The following KANK1 variants were observed in gnomAD, a reference collection of about 807,000 sequenced individuals.
KANK1 encodes KN motif and ankyrin repeat domain-containing protein 1.
KANK1 carries 109 observed loss-of-function variants against 106.2 expected under a neutral mutation model. The observed-to-expected ratio is 1.03, with a 90% CI of 0.88 to 1.20. The LOEUF is 1.20. Among genes scored for constraint, KANK1 ranks in the 50% most tolerant of loss-of-function variants. The pLI, the probability that KANK1 is intolerant of heterozygous loss-of-function variation, is 0.00. For synonymous variants in KANK1, 873 were observed against 652.2 expected, an observed-to-expected ratio of 1.34 and a Z score of -5.16; for missense variants, 2,399 against 1,710.7, an observed-to-expected ratio of 1.40 and a Z score of -7.10.
chr9:574,732 G>A (rs1022509132), intron 1 of KANK1, among the ~76,000 whole-genome samples: 1 of 151,790 alleles, frequency 6.6e-6, no homozygotes, highest in East Asian at 1.9e-4. Context: ...GCACGTGCCT[G>A]TGGTCCCAGC....
chr9:586,778 C>T (rs184768057), intron 1 of KANK1, among the ~76,000 whole-genome samples: 128 of 152,200 alleles, frequency 8.4e-4, no homozygotes, highest in Non-Finnish European at 1.3e-3. Flanking sequence ...TGGAGAGTCA[C>T]GAGAGCAAAT....
At chr9:730,987 A>T in intron 4 of KANK1, 171 bp from the exon 5 acceptor site, 1 of 414,354 alleles carries the variant, frequency 2.4e-6, no homozygotes, top group Non-Finnish European at 4.4e-6. Context: ...TGGAACTTTG[A>T]ATTATTTTCT....
chr9:547,698 A>T (rs566850597), intron 1 of KANK1, among the ~76,000 whole-genome samples: 1 of 143,542 alleles, frequency 7.0e-6, no homozygotes, highest in Non-Finnish European at 1.6e-5. Context: ...CTCTTCCTGC[A>T]TGGTGGGTAC....
At chr9:619,436 A>G (rs1016172121) in intron 1 of KANK1, among the ~76,000 whole-genome samples, 8 of 152,286 alleles carry the variant, frequency 5.3e-5, no homozygotes, top group Admixed American at 3.3e-4. Context: ...CCCTTTGCCT[A>G]TCGTCAGATT....
chr9:515,698 T>A (rs192234046), intron 1 of KANK1, among the ~76,000 whole-genome samples: 2 of 151,978 alleles, frequency 1.3e-5, no homozygotes, highest in Non-Finnish European at 2.9e-5. Context: ...AGGAATTAAA[T>A]TTCCACATAA....
At chr9:734,573 G>A (rs1454213686) in intron 6 of KANK1, 175 bp from the exon 7 acceptor site, 4 of 498,172 alleles carry the variant, frequency 8.0e-6, no homozygotes, top group Non-Finnish European at 1.5e-5. Context: ...GGCTGAGGCA[G>A]GAGGATTGCT....
At chr9:513,112 T>C (rs1481951303) in intron 1 of KANK1, among the ~76,000 whole-genome samples, 1 of 152,266 alleles carries the variant, frequency 6.6e-6, no homozygotes, top group East Asian at 1.9e-4. Context: ...GAATTGCCTA[T>C]GAGTGTGTCC....
rs567169801 is a variant in KANK1 at position 528,924 on chromosome 9, C to G, written c.-84+24170C>G. On this transcript the variant is annotated intron_variant, in intron 1 of 11. Transcript: ENST00000382297. ...AAGCAATCATCCCACCTCAGCCTCC[C>G]GAGTAGCTGGGACTACAGGTGCATA... 3.3e-5 allele frequency among the ~76,000 whole-genome samples: 5 copies of G among 152,126 alleles called. No homozygotes were observed. The East Asian group carries it at 7.7e-4, about 24-fold the overall frequency.
At chr9:625,217 A>G (rs1563882900) in intron 1 of KANK1, among the ~76,000 whole-genome samples, 1 of 152,226 alleles carries the variant, frequency 6.6e-6, no homozygotes, top group Non-Finnish European at 1.5e-5. Context: ...GTCACGGGAA[A>G]GATTTGTTTA....
At position 710,790 on chromosome 9, in the gene KANK1, T is replaced by C. The variant is rs1194285210; in HGVS notation, c.38-14T>C. The C allele has an allele frequency of 1.3e-6, 2 of 1,556,208 alleles. No individual in the cohort carries two copies. Among genetic ancestry groups the C allele is most frequent in the Non-Finnish European group, 8.6e-7 (1 of 1,156,400 alleles). On this transcript the variant is annotated splice_polypyrimidine_tract_variant and intron_variant, in intron 2 of 11. Transcript: ENST00000382297. ...ATTGCATGTCATTATAATATTCTTT[T>C]CTCCCTCTTCTAGGAAAAGCAGGTG... is the stretch of plus-strand genomic sequence containing the variant.
intron 1 of KANK1, among the ~76,000 whole-genome samples, chr9:566,819 A>G (rs540206136): frequency 1.3e-4 from 19 of 151,966 alleles, no homozygotes; most frequent in Non-Finnish European, 2.4e-4. Flanking sequence ...TACTTTGTTG[A>G]TAGTTTCTTT....
intron 1 of KANK1, among the ~76,000 whole-genome samples, chr9:655,159 C>G (rs1841846162): frequency 6.6e-6 from 1 of 152,094 alleles, no homozygotes; most frequent in Non-Finnish European, 1.5e-5. Context: ...CACCTGCGGT[C>G]AGGAGCTCGG....
intron 3 of KANK1, among the ~76,000 whole-genome samples, chr9:490,229 C>T (rs1044782062): frequency 3.3e-5 from 5 of 152,198 alleles, no homozygotes; most frequent in Admixed American, 2.6e-4. Flanking sequence ...CAGTCAGGCA[C>T]AGCAGTTCAC....
Position 601,229 on chromosome 9 carries a change from A to G in KANK1, c.-83-75661A>G, listed in dbSNP as rs532573442. Among the ~76,000 whole-genome samples, 9 of 152,002 alleles carry G rather than the reference A, an allele frequency of 5.9e-5. No homozygotes were observed. In the East Asian group the frequency reaches 9.6e-4, roughly 16 times the overall value. On this transcript the variant is annotated intron_variant, in intron 1 of 11. Transcript: ENST00000382297. ...TTATCTTACATAACCATATTGAACTATCGTTAATATAATTATCAAAATTGG... is the reference window on the plus strand; with the variant it reads ...TTATCTTACATAACCATATTGAACTGTCGTTAATATAATTATCAAAATTGG...
chr9:643,543 A>ATTTTTTTTTTTTTTTTTTTTTTTTT (rs774468238), intron 1 of KANK1, among the ~76,000 whole-genome samples: 1 of 102,464 alleles, frequency 9.8e-6, no homozygotes, highest in Non-Finnish European at 1.9e-5. Context: ...TTTCTTTTTG[A>ATTTTTTTTTTTTTTTTTTTTTTTTT]TTTTTTTTTT....
chr9:486,428 A>G (rs1436268360), intron 3 of KANK1, among the ~76,000 whole-genome samples: 5 of 152,316 alleles, frequency 3.3e-5, no homozygotes, highest in African/African-American at 7.2e-5. Flanking sequence ...TACGTACTGT[A>G]TAAATATTAA....
At chr9:504,623 GTGCGGTTCGGGC>G (rs1490961302), upstream of KANK1, 2 of 149,158 alleles carry the variant, frequency 1.3e-5, no homozygotes, top group Non-Finnish European at 2.9e-5. Context: ...GGCGGCGGCC[GTGCGGTTCGGGC>G]TTTAATTCTG....
intron 1 of KANK1, among the ~76,000 whole-genome samples, chr9:580,768 C>G (rs1012164755): frequency 6.6e-6 from 1 of 152,252 alleles, no homozygotes; most frequent in Non-Finnish European, 1.5e-5. Flanking sequence ...CGCTGTGCGC[C>G]CGCACTCCTG....
chr9:497,184 G>A (rs1235382613), intron 3 of KANK1, among the ~76,000 whole-genome samples: 2 of 151,970 alleles, frequency 1.3e-5, no homozygotes, highest in Non-Finnish European at 2.9e-5. Flanking sequence ...TGATAAATTA[G>A]GTCTTTTCCT....
Sources: gnomAD v4.1 joint callset for allele counts (sites outside exome capture counted in the v4.1 genomes callset) on GRCh38, gnomAD v4.1.1 for gene constraint, MANE v1.5 for transcripts, NCBI Gene and HGNC (gene_info 2026-07-23, HGNC 2026-07-21) for gene names.